The following SCEL variants were observed in gnomAD, a reference collection of about 807,000 sequenced individuals.
The protein encoded by SCEL is sciellin.
SCEL carries 113 observed loss-of-function variants against 117.6 expected under a neutral mutation model. The observed-to-expected ratio is 0.96, with a 90% CI of 0.83 to 1.12. The LOEUF is 1.12. Among genes scored for constraint, SCEL ranks in the 50% most tolerant of loss-of-function variants. SCEL has a pLI of 0.00. For missense variants in SCEL, 785 were observed against 810.8 expected (o/e 0.97, Z 0.39); for synonymous variants, 270 against 256.2 (o/e 1.05, Z -0.51).
chr13:77,556,533 T>G, intron 2 of SCEL, 63 bp from the exon 3 acceptor site: 1 of 1,401,830 alleles, frequency 7.1e-7, no homozygotes, highest in South Asian at 1.2e-5. Context: ...ATTTTCAGGT[T>G]AACAAGCCCA....
At chr13:77,574,885 C>T (rs533423137) in intron 9 of SCEL, among the ~76,000 whole-genome samples, 1 of 152,294 alleles carries the variant, frequency 6.6e-6, no homozygotes, top group Non-Finnish European at 1.5e-5. Context: ...CTCCTATCTT[C>T]TCCAAAAGAA....
At chr13:77,565,497 C>T (rs1567356510) in intron 5 of SCEL, among the ~76,000 whole-genome samples, 1 of 152,142 alleles carries the variant, frequency 6.6e-6, no homozygotes, top group East Asian at 1.9e-4. Context: ...CAGCTCATTC[C>T]CAAGGCACTA....
chr13:77,617,665 A>C lies in SCEL; in HGVS notation c.1511+7A>C, dbSNP rs2154403843. 6.3e-7 allele frequency: 1 copy of C among 1,577,616 alleles called. No individual in the cohort carries two copies. Among genetic ancestry groups the C allele is most frequent in the Non-Finnish European group, 8.7e-7 (1 of 1,152,500 alleles). The stretch of plus-strand genomic sequence containing the variant: ...TTTTCACAAACAACCAAAGGTAATA[A>C]AACTATGTTGTTTTAATGTACTTGG... On this transcript the variant is annotated splice_region_variant and intron_variant, in intron 25 of 32. Transcript: ENST00000349847.
chr13:77,578,373 G>C (rs1301579977), intron 9 of SCEL, among the ~76,000 whole-genome samples: 3 of 152,022 alleles, frequency 2.0e-5, no homozygotes, highest in African/African-American at 4.8e-5. Context: ...AGGGATCAGA[G>C]AAAGGGCTTT....
At chr13:77,626,883 C>A (rs1567436435) in intron 27 of SCEL, among the ~76,000 whole-genome samples, 1 of 151,932 alleles carries the variant, frequency 6.6e-6, no homozygotes, top group Non-Finnish European at 1.5e-5. Flanking sequence ...AAAACTGGGT[C>A]TCATTGTTTT....
intron 28 of SCEL, among the ~76,000 whole-genome samples, chr13:77,633,885 G>A (rs915248580): frequency 1.3e-5 from 2 of 152,208 alleles, no homozygotes; most frequent in South Asian, 2.1e-4. Flanking sequence ...ATTATCAAAC[G>A]TGATTTTCCC....
chr13:77,578,989 T>C (rs530320533), intron 9 of SCEL, among the ~76,000 whole-genome samples: 32 of 152,160 alleles, frequency 2.1e-4, no homozygotes, highest in African/African-American at 7.2e-4. Flanking sequence ...AAAATGAAAG[T>C]TGAACTTTGA....
chr13:77,608,956 A>C, intron 20 of SCEL, 102 bp from the exon 21 acceptor site: 2 of 930,636 alleles, frequency 2.1e-6, no homozygotes, highest in Non-Finnish European at 1.6e-6. Flanking sequence ...CTCAAAACTC[A>C]GTAGTAAAAT....
chr13:77,593,699 A>C, intron 12 of SCEL, 126 bp downstream of exon 12: 1 of 615,748 alleles, frequency 1.6e-6, no homozygotes, highest in South Asian at 2.2e-5. Context: ...ATAATTTAAA[A>C]TAAGAAAGCA....
intron 5 of SCEL, among the ~76,000 whole-genome samples, chr13:77,564,432 G>C (rs1342276108): frequency 6.6e-6 from 1 of 152,106 alleles, no homozygotes. Context: ...AGTCCAACGT[G>C]TGTGCCTCCT....
At chr13:77,597,488 C>T in intron 12 of SCEL, 57 bp from the exon 13 acceptor site, 1 of 993,190 alleles carries the variant, frequency 1.0e-6, no homozygotes, top group African/African-American at 1.7e-5. Flanking sequence ...GCAAATTTAC[C>T]CTTTGACCCT....
intron 18 of SCEL, 52 bp downstream of exon 18, chr13:77,603,187 A>C: frequency 8.5e-7 from 1 of 1,180,546 alleles, no homozygotes; most frequent in Middle Eastern, 2.2e-4. Flanking sequence ...GTCAATCAGA[A>C]GATAAAATAA....
At chr13:77,591,858 T>C (rs980692338) in intron 11 of SCEL, among the ~76,000 whole-genome samples, 1 of 152,162 alleles carries the variant, frequency 6.6e-6, no homozygotes, top group African/African-American at 2.4e-5. Flanking sequence ...AAGAAGCACA[T>C]TGATGCCATT....
Position 77,617,631 on chromosome 13 carries a change from A to G in SCEL, c.1484A>G (p.Asn495Ser). Residue 495 changes from asparagine to serine, a missense_variant, in exon 25 of 33, where the codon AAT becomes AGT. Asn to Ser is a conservative substitution (Grantham distance 46). Transcript: ENST00000349847. ...GATCTTGATAAACTCATCAAGGTGA[A>G]TCCTGAAATTTTCACAAACAACCAA... Reference protein sequence around the residue: ...KQDLDKLIKVNPEIFTNNQRN... With the variant: ...KQDLDKLIKVSPEIFTNNQRN... 6.3e-7 allele frequency: 1 copy of G among 1,598,498 alleles called. No individual in the cohort carries two copies. Among genetic ancestry groups the G allele is most frequent in the Non-Finnish European group, 8.5e-7 (1 of 1,170,972 alleles).
intron 1 of SCEL, among the ~76,000 whole-genome samples, chr13:77,542,037 A>C (rs903083121): frequency 6.6e-6 from 1 of 152,200 alleles, no homozygotes; most frequent in Non-Finnish European, 1.5e-5. Context: ...ATATTAGACC[A>C]GTGTTTTTTG....
chr13:77,634,427 C>T lies in SCEL; in HGVS notation c.1740C>T (p.Tyr580=), dbSNP rs1463262955. 6 of 1,612,676 alleles carry T rather than the reference C, an allele frequency of 3.7e-6. No individual in the cohort carries two copies. In the African/African-American group the frequency reaches 5.3e-5, roughly 14 times the overall value. Residue 580 remains tyrosine (Y), a synonymous_variant, in exon 29 of 33, where the codon TAC becomes TAT. Transcript: ENST00000349847. The part of the protein sequence containing the change: ...KQAGPQDTVV[Y]TRTYVENSKS... ...CAGGACCACAGGATACTGTTGTGTA[C>T]ACAAGGACATATGTGGAGAATAGGT...
At chr13:77,536,430 A>G (rs1427377401) in intron 1 of SCEL, among the ~76,000 whole-genome samples, 1 of 152,122 alleles carries the variant, frequency 6.6e-6, no homozygotes, top group East Asian at 1.9e-4. Flanking sequence ...AGGGTGTGGG[A>G]GCAGAATAAG....
At chr13:77,573,728 C>A (rs111684512) in intron 9 of SCEL, among the ~76,000 whole-genome samples, 5 of 152,188 alleles carry the variant, frequency 3.3e-5, no homozygotes, top group African/African-American at 9.6e-5. Flanking sequence ...GTCTACCTAT[C>A]TATAACTAAA....
intron 28 of SCEL, 73 bp downstream of exon 28, chr13:77,628,082 A>T: frequency 1.1e-5 from 4 of 361,080 alleles, no homozygotes; most frequent in Non-Finnish European, 1.5e-5. Flanking sequence ...TAGCCTTAGA[A>T]GATTATATAT....
Sources: gnomAD v4.1 joint callset for allele counts (sites outside exome capture counted in the v4.1 genomes callset) on GRCh38, gnomAD v4.1.1 for gene constraint, MANE v1.5 for transcripts, NCBI Gene and HGNC (gene_info 2026-07-23, HGNC 2026-07-21) for gene names.